The following MICAL2 variants were observed in gnomAD, a reference collection of about 807,000 sequenced individuals.
The protein encoded by MICAL2 is microtubule associated monooxygenase, calponin and LIM domain containing 2, also known as [F-actin]-monooxygenase MICAL2.
MICAL2 carries 77 observed loss-of-function variants against 127.3 expected under a neutral mutation model. The observed-to-expected ratio is 0.60, with a 90% confidence interval of 0.50 to 0.73. The LOEUF (loss-of-function observed/expected upper bound fraction) is 0.73. MICAL2 is among the 30% of genes least tolerant of loss of function. MICAL2 has a pLI of 0.00. For missense variants in MICAL2, 1,351 were observed against 1,434.4 expected, an observed-to-expected ratio of 0.94 and a Z score of 0.94; for synonymous variants, 570 against 551.1, an observed-to-expected ratio of 1.03 and a Z score of -0.48.
At chr11:12,304,498 G>A (rs1169640873) in intron 29 of MICAL2, among the ~76,000 whole-genome samples, 1 of 152,152 alleles carries the variant, frequency 6.6e-6, no homozygotes, top group Admixed American at 6.5e-5. Context: ...AGCCGGGCGT[G>A]GTGGCGCATG....
rs769380339 is a variant in MICAL2, at chr11:12,259,896, A to G, written c.3333A>G (p.Pro1111=). Residue 1111 remains proline, a splice_region_variant and synonymous_variant, in exon 26 of 28, where the codon CCA becomes CCG. Transcript: ENST00000683283. ...AAIGTLEGSP[P]VHFSLPVLHP... ...TTGGCACCCTGGAAGGCAGCCCCCC[A>G]GGTATCTCCACCTCCTTCTTTAGGA... 2 of 1,613,092 alleles carry G rather than the reference A, an allele frequency of 1.2e-6. No homozygotes were observed. The highest frequency in any genetic ancestry group is 2.2e-5 in the East Asian group (1 of 44,830).
exon 33 of MICAL2, chr11:12,349,905 A>C: frequency 6.2e-7 from 1 of 1,614,148 alleles, no homozygotes; most frequent in Non-Finnish European, 8.5e-7. Flanking sequence ...AGAAGAATAA[A>C]TTAATGCGAT....
downstream of MICAL2, chr11:12,293,929 G>C: frequency 6.2e-7 from 1 of 1,613,060 alleles, no homozygotes; most frequent in Non-Finnish European, 8.5e-7. Flanking sequence ...AGGAAGAAGA[G>C]GGAGGGCCAG....
intron 3 of MICAL2, among the ~76,000 whole-genome samples, chr11:12,191,748 C>T (rs1859162604): frequency 6.6e-6 from 1 of 151,034 alleles, no homozygotes; most frequent in Admixed American, 6.6e-5. Flanking sequence ...GCTTGGGCAA[C>T]AGAGTGAGAC....
chr11:12,166,134 T>C (rs1855487042), intron 3 of MICAL2, among the ~76,000 whole-genome samples: 1 of 152,160 alleles, frequency 6.6e-6, no homozygotes, highest in Non-Finnish European at 1.5e-5. Context: ...AATGCTATAA[T>C]CACAAAATTT....
Position 12,259,846 on chromosome 11 carries a change from G to A in MICAL2, c.3283G>A (p.Glu1095Lys), listed in dbSNP as rs752026785. The A allele has an allele frequency of 1.4e-5, 23 of 1,600,572 alleles. No individual in the cohort carries two copies. Among genetic ancestry groups the A allele is most frequent in the South Asian group, 6.7e-5 (6 of 89,440 alleles). ...QEAPRRDTPTESSCAVAAIGT... is the reference protein window; with the variant it reads ...QEAPRRDTPTKSSCAVAAIGT... ...AGCCCCTCGGAGAGACACTCCCACC[G>A]AAAGTTCTTGCGCAGTGGCCGCCAT... is the stretch of plus-strand genomic sequence containing the variant. The change falls in exon 26 of 28, where the codon GAA (glutamate) becomes AAA (lysine). Residue 1095 changes from glutamate (E) to lysine (K), a missense_variant. Transcript: ENST00000683283.
intron 2 of MICAL2, chr11:12,286,807 C>T (rs562778262): frequency 2.9e-5 from 7 of 241,778 alleles, no homozygotes; most frequent in South Asian, 1.8e-4. Flanking sequence ...CCCGAGAGGT[C>T]GAGGGGGCAG....
chr11:12,279,297 G>C (rs1863748964), intron 1 of MICAL2, among the ~76,000 whole-genome samples: 1 of 152,208 alleles, frequency 6.6e-6, no homozygotes, highest in Non-Finnish European at 1.5e-5. Context: ...CTTGGACAAA[G>C]TGGCCTCGGT....
At chr11:12,215,882 C>T (rs761241712) in intron 7 of MICAL2, among the ~76,000 whole-genome samples, 2 of 152,200 alleles carry the variant, frequency 1.3e-5, no homozygotes, top group Non-Finnish European at 2.9e-5. Flanking sequence ...GGTTCAAATC[C>T]CAGCCCTGTC....
downstream of MICAL2, chr11:12,294,643 C>T: frequency 6.2e-7 from 1 of 1,614,200 alleles, no homozygotes; most frequent in South Asian, 1.1e-5. Flanking sequence ...GACTCAAAGA[C>T]AAATCTTTTG....
intron 1 of MICAL2, among the ~76,000 whole-genome samples, chr11:12,124,579 G>A (rs559265928): frequency 6.6e-6 from 1 of 152,308 alleles, no homozygotes; most frequent in East Asian, 1.9e-4. Flanking sequence ...ATCTGTGAAC[G>A]TTTTCCGTGC....
At chr11:12,151,345 T>C (rs1853558856) in intron 2 of MICAL2, among the ~76,000 whole-genome samples, 1 of 152,130 alleles carries the variant, frequency 6.6e-6, no homozygotes, top group Admixed American at 6.5e-5. Context: ...CGGTTGTTAT[T>C]GGAAGTTGGC....
chr11:12,112,048 G>A (rs541818943), intron 1 of MICAL2, among the ~76,000 whole-genome samples: 2 of 152,324 alleles, frequency 1.3e-5, no homozygotes, highest in Admixed American at 6.5e-5. Context: ...CAAAAACGCT[G>A]AGAGTTTTGC....
chr11:12,258,318 C>T, intron 24 of MICAL2, 150 bp from the exon 25 acceptor site: 2 of 633,886 alleles, frequency 3.2e-6, no homozygotes, highest in Non-Finnish European at 5.6e-6. Context: ...AGGAAGGTGA[C>T]AGAAGCCGTT....
intron 25 of MICAL2, 33 bp downstream of exon 25, chr11:12,258,589 G>C (rs774185144): frequency 3.8e-6 from 6 of 1,590,816 alleles, no homozygotes; most frequent in Non-Finnish European, 5.2e-6. Flanking sequence ...GGTGAAACGG[G>C]GAAGGCCCCT....
downstream of MICAL2, among the ~76,000 whole-genome samples, chr11:12,292,935 C>T (rs982138849): frequency 6.6e-6 from 1 of 152,062 alleles, no homozygotes; most frequent in South Asian, 2.1e-4. Context: ...CCCTCTTTGC[C>T]AAGGGCCAAG....
intron 1 of MICAL2, among the ~76,000 whole-genome samples, chr11:12,114,561 A>G (rs979753082): frequency 2.0e-5 from 3 of 152,178 alleles, no homozygotes; most frequent in Non-Finnish European, 4.4e-5. Context: ...CCTTAAGACG[A>G]GCCCACCTCT....
At chr11:12,335,780 T>A (rs920642065) in intron 32 of MICAL2, among the ~76,000 whole-genome samples, 20 of 152,320 alleles carry the variant, frequency 1.3e-4, no homozygotes, top group African/African-American at 4.6e-4. Context: ...GCAGCATTAT[T>A]TCTGAGAGCT....
intron 20 of MICAL2, chr11:12,243,244 C>T (rs941142367): frequency 6.5e-6 from 1 of 153,012 alleles, no homozygotes; most frequent in African/African-American, 2.4e-5. Flanking sequence ...AACTGGGGCT[C>T]TGCTTCCCCA....
Sources: allele counts gnomAD v4.1 joint callset (sites outside exome capture counted in the v4.1 genomes callset), GRCh38; gene constraint gnomAD v4.1.1; transcripts MANE v1.5; gene names NCBI Gene and HGNC (gene_info 2026-07-23, HGNC 2026-07-21).